The following SMG1 variants were observed in gnomAD, a reference collection of about 807,000 sequenced individuals.
SMG1 encodes the protein serine/threonine-protein kinase SMG1.
In SMG1, 22 loss-of-function variants were observed where a neutral mutation model predicts 419.9. That is an observed-to-expected ratio of 0.05 (90% confidence interval 0.04 to 0.07). SMG1 has a LOEUF of 0.07. Ranked by LOEUF, SMG1 falls within the 10% of genes least tolerant of loss-of-function variation. The probability of loss-of-function intolerance (pLI) is 1.00; values close to 1 mark genes in which losing one functional copy is unlikely to be tolerated. For missense variants in SMG1, 3,185 were observed against 4,342.0 expected (o/e 0.73, Z 7.49); for synonymous variants, 1,538 against 1,553.5 (o/e 0.99, Z 0.23).
chr16:18,900,404 C>T (rs1013740250), intron 1 of SMG1, among the ~76,000 whole-genome samples: 1 of 152,182 alleles, frequency 6.6e-6, no homozygotes, highest in African/African-American at 2.4e-5. Flanking sequence ...TTAGACCTCA[C>T]ACCAACAATC....
chr16:18,829,185 G>A, intron 54 of SMG1, 101 bp downstream of exon 54: 5 of 1,009,206 alleles, frequency 5.0e-6, no homozygotes, highest in African/African-American at 4.9e-5. Flanking sequence ...GTGAGTTCAG[G>A]AAGTTTTAAA....
chr16:18,842,550 G>A lies in SMG1; in HGVS notation c.6220-96C>T, dbSNP rs185681504. 3.4e-3 allele frequency: 4,316 copies of A among 1,271,834 alleles called. 10 individuals carry two copies. Among genetic ancestry groups the A allele is most frequent in the Non-Finnish European group, 4.2e-3 (3,912 of 923,480 alleles). 78.8% of individuals were successfully genotyped at this position (1,271,834 alleles called of 1,614,324 possible). On this transcript the variant is annotated intron_variant, in intron 39 of 62. Coordinates refer to ENST00000446231, the MANE Select transcript of SMG1 (RefSeq NM_015092.5). Reference sequence around the variant, plus strand: ...GGCATAAAAGTAAATTTTAGGTCACGGCGGCAGCTCATGCCTGTAATCCCA... The same window carrying A: ...GGCATAAAAGTAAATTTTAGGTCACAGCGGCAGCTCATGCCTGTAATCCCA...
Position 18,834,865 on chromosome 16 carries a change from G to A in SMG1, c.8330+27C>T, listed in dbSNP as rs190092661. The A allele has an allele frequency of 4.7e-5, 75 of 1,600,362 alleles. No homozygotes were observed. The African/African-American group carries it at 8.4e-4, about 18-fold the overall frequency. On this transcript the variant is annotated intron_variant, in intron 49 of 62. Transcript: ENST00000446231. ...GGATTAAAAATAAGACACAGGAAAT[G>A]GTCCAATATGAAGTTGGCTAACTTA...
Position 18,815,623 on chromosome 16 carries a change from TCAC to T in SMG1, c.10328_10330del (p.Gly3443del). 1.2e-6 allele frequency: 2 copies of T among 1,613,970 alleles called. No individual in the cohort carries two copies. The highest frequency in any genetic ancestry group is 1.7e-6 in the Non-Finnish European group (2 of 1,179,858). ...AACACTGTTCTCATAGGGAACATCT[TCAC>T]CATCTGCCAGAGCAGCTTCTTCATC... On this transcript the variant is annotated inframe_deletion, in exon 59 of 63. Coordinates refer to ENST00000446231, the MANE Select transcript of SMG1 (RefSeq NM_015092.5).
chr16:18,870,427 T>C (rs8061403), intron 18 of SMG1, among the ~76,000 whole-genome samples, 183 bp downstream of exon 18: 10,013 of 152,238 alleles, frequency 0.066, 1,096 homozygotes, highest in African/African-American at 0.23. Context: ...TCATTAAAAA[T>C]TTTTAATTTT....
chr16:18,873,225 T>G (rs1304943039), intron 13 of SMG1, among the ~76,000 whole-genome samples: 1 of 151,924 alleles, frequency 6.6e-6, no homozygotes, highest in African/African-American at 2.4e-5. Flanking sequence ...CCAAGAAAAC[T>G]TTCTTTTTTG....
chr16:18,829,350 T>C lies in SMG1; in HGVS notation c.9539A>G (p.Glu3180Gly). The change falls in exon 54 of 63, where the codon GAA (glutamate) becomes GGA (glycine). Residue 3180 changes from glutamate to glycine, a missense_variant. By Grantham distance (98) the Glu-to-Gly change is moderately conservative. Transcript: ENST00000446231. ...WKKHDLVRRL[E>G]TSISSCKTSL... ...TGTCTTACAAGAAGAAATACTGGTTTCTAGCCTTCGCACCAAGTCATGCTT... is the reference window on the plus strand; with the variant it reads ...TGTCTTACAAGAAGAAATACTGGTTCCTAGCCTTCGCACCAAGTCATGCTT... The C allele has an allele frequency of 6.2e-7, 1 of 1,614,028 alleles. No individual in the cohort carries two copies. Among genetic ancestry groups the C allele is most frequent in the Non-Finnish European group, 8.5e-7 (1 of 1,179,890 alleles).
Position 18,837,423 on chromosome 16 carries a change from T to A in SMG1, c.7434A>T (p.Arg2478Ser). The change falls in exon 46 of 63, where the codon AGA becomes AGT. Residue 2478 changes from arginine (R) to serine (S), a missense_variant. Physicochemically the swap from Arg to Ser is moderately radical, Grantham distance 110. Coordinates refer to ENST00000446231, the MANE Select transcript of SMG1 (RefSeq NM_015092.5). ...AEIKVNWFKN[R>S]DEMLVVLPKL... ...TGGGAAGCACAACCAGCATCTCATC[T>A]CTATTCTTAAACCAGTTCACCTGTA... The A allele has an allele frequency of 6.2e-7, 1 of 1,613,680 alleles. No homozygotes were observed. Among genetic ancestry groups the A allele is most frequent in the Admixed American group, 1.7e-5 (1 of 59,944 alleles).
At chr16:18,901,956 G>A (rs1328991692) in intron 1 of SMG1, among the ~76,000 whole-genome samples, 1 of 149,690 alleles carries the variant, frequency 6.7e-6, no homozygotes, top group African/African-American at 2.5e-5. Context: ...AAAAAAAAAG[G>A]GGGGGGTGGC....
Position 18,833,164 on chromosome 16 carries a change from T to C in SMG1, c.8568A>G (p.Glu2856=), listed in dbSNP as rs562069207. ...TGATTTGCCGGAAATTCGAATTCAA[T>C]TCCTATAAATATATGAGAAAAAAAC... ...LANGVYTSLQ[E]LNSNFRQIIF... Residue 2856 remains glutamate (E), a splice_region_variant and synonymous_variant, in exon 51 of 63, where the codon GAA becomes GAG. Transcript: ENST00000446231. The C allele has an allele frequency of 1.9e-6, 3 of 1,613,056 alleles. No individual in the cohort carries two copies. Among genetic ancestry groups the C allele is most frequent in the Admixed American group, 3.3e-5 (2 of 59,974 alleles).
chr16:18,816,639 C>T, intron 57 of SMG1, 110 bp from the exon 58 acceptor site: 1 of 804,306 alleles, frequency 1.2e-6, no homozygotes, highest in Non-Finnish European at 1.9e-6. Flanking sequence ...ACAAAGAGAA[C>T]CTCCATTGCT....
intron 26 of SMG1, 107 bp from the exon 27 acceptor site, chr16:18,859,810 T>C (rs2035117824): frequency 1.4e-6 from 1 of 703,126 alleles, no homozygotes; most frequent in Admixed American, 2.9e-5. Flanking sequence ...GCTCCTTTAA[T>C]ATTTAAGGCA....
intron 9 of SMG1, among the ~76,000 whole-genome samples, chr16:18,883,613 T>C (rs979422713): frequency 2.6e-5 from 4 of 152,176 alleles, no homozygotes; most frequent in African/African-American, 4.8e-5. Flanking sequence ...CTTAAACACA[T>C]CTGAAATAAA....
chr16:18,884,965 A>G (rs1296208061), intron 8 of SMG1, 125 bp downstream of exon 8: 1 of 649,096 alleles, frequency 1.5e-6, no homozygotes, highest in African/African-American at 1.8e-5. Flanking sequence ...TTCATTTACA[A>G]TAAAACATTT....
intron 27 of SMG1, 40 bp from the exon 28 acceptor site, chr16:18,859,221 A>G: frequency 6.8e-7 from 1 of 1,462,814 alleles, no homozygotes; most frequent in East Asian, 2.5e-5. Flanking sequence ...AAAAATTACA[A>G]TTCATAACCA....
At chr16:18,874,932 G>A (rs2925515) in intron 13 of SMG1, among the ~76,000 whole-genome samples, 23,884 of 88,304 alleles carry the variant, frequency 0.27, 2,414 homozygotes, top group Middle Eastern at 0.43. Flanking sequence ...CCTAAAAGAA[G>A]GACTACGGGT....
Position 18,831,622 on chromosome 16 carries a change from G to A in SMG1, c.8793-1253C>T, listed in dbSNP as rs185552336. 3.6e-4 allele frequency among the ~76,000 whole-genome samples: 55 copies of A among 151,388 alleles called. No homozygotes were observed. In the East Asian group the frequency reaches 8.9e-3, roughly 24 times the overall value. On this transcript the variant is annotated intron_variant, in intron 51 of 62. Coordinates refer to ENST00000446231, the MANE Select transcript of SMG1 (RefSeq NM_015092.5). ...TATACTTTTTCTAGCCGGGCATGGG[G>A]GCATACGTCCATAGTCCCAGCTACT...
rs978999923 is a variant in SMG1 at position 18,807,342 on chromosome 16, G to A, written c.*2227C>T. The stretch of plus-strand genomic sequence containing the variant: ...CTTGAGAGAGCAGAGGTAATGTGAT[G>A]AATGTAATTTGCTCCCAGAGCCTCT... On this transcript the variant is annotated 3_prime_UTR_variant, in exon 63 of 63. Coordinates refer to ENST00000446231, the MANE Select transcript of SMG1 (RefSeq NM_015092.5). The A allele has an allele frequency of 6.6e-6, 1 of 152,190 alleles. No homozygotes were observed. Among genetic ancestry groups the A allele is most frequent in the African/African-American group, 2.4e-5 (1 of 41,450 alleles). 9.4% of individuals were successfully genotyped at this position (152,190 alleles called of 1,614,324 possible). A position where few individuals can be genotyped will look rare whatever the true frequency, so the allele number is the denominator to read the frequency against.
chr16:18,807,784 GAGT>G lies in SMG1; in HGVS notation c.*1782_*1784del, dbSNP rs1208876032. 2 of 151,958 alleles carry G rather than the reference GAGT, an allele frequency of 1.3e-5. No individual in the cohort carries two copies. Among genetic ancestry groups the G allele is most frequent in the Non-Finnish European group, 2.9e-5 (2 of 68,038 alleles). 9.4% of individuals were successfully genotyped at this position (151,958 alleles called of 1,614,324 possible). On this transcript the variant is annotated 3_prime_UTR_variant, in exon 63 of 63. Coordinates refer to ENST00000446231, the MANE Select transcript of SMG1 (RefSeq NM_015092.5). ...TATCTAGTCATTTATTTTTGACACA[GAGT>G]CTAGCTCTGTTGCCCAGGCTGGAGT... is the stretch of plus-strand genomic sequence containing the variant.
Sources: gnomAD v4.1 joint callset for allele counts (sites outside exome capture counted in the v4.1 genomes callset) on GRCh38, gnomAD v4.1.1 for gene constraint, MANE v1.5 for transcripts, NCBI Gene and HGNC (gene_info 2026-07-23, HGNC 2026-07-21) for gene names.